The following SNX29 variants were observed in gnomAD, a reference collection of about 807,000 sequenced individuals.
SNX29 encodes the protein sorting nexin-29.
A neutral mutation model predicts 102.1 loss-of-function variants in SNX29; 78 were observed. That is an observed-to-expected ratio of 0.76 (90% confidence interval 0.64 to 0.92). SNX29 has a LOEUF of 0.92. SNX29 is among the 40% of genes least tolerant of loss of function. SNX29 has a pLI of 0.00. For missense variants in SNX29, 1,280 were observed against 1,061.7 expected (o/e 1.21, Z -2.86); for synonymous variants, 580 against 414.5 (o/e 1.40, Z -4.85).
At chr16:12,234,219 T>A (rs573531615) in intron 14 of SNX29, among the ~76,000 whole-genome samples, 1 of 152,124 alleles carries the variant, frequency 6.6e-6, no homozygotes, top group Non-Finnish European at 1.5e-5. Flanking sequence ...TTGTCTGTCT[T>A]TTTTTTATTG....
intron 11 of SNX29, among the ~76,000 whole-genome samples, chr16:12,094,587 G>A (rs1443284367): frequency 6.6e-6 from 1 of 152,132 alleles, no homozygotes; most frequent in Non-Finnish European, 1.5e-5. Flanking sequence ...GCAGGATGGT[G>A]GTTCTTAGCT....
At chr16:12,403,081 C>T (rs1218223797) in intron 17 of SNX29, among the ~76,000 whole-genome samples, 1 of 152,174 alleles carries the variant, frequency 6.6e-6, no homozygotes, top group East Asian at 1.9e-4. Context: ...GTCCTTGGGG[C>T]TTCCGGTTAT....
intron 14 of SNX29, among the ~76,000 whole-genome samples, chr16:12,261,527 C>T (rs577058129): frequency 3.7e-5 from 5 of 133,600 alleles, no homozygotes; most frequent in African/African-American, 1.4e-4. Context: ...CGGGTCTGTG[C>T]ACGTGTCCCC....
chr16:12,371,179 A>C (rs2082669492), intron 16 of SNX29, among the ~76,000 whole-genome samples: 1 of 152,232 alleles, frequency 6.6e-6, no homozygotes, highest in Non-Finnish European at 1.5e-5. Flanking sequence ...GTTGGGGATC[A>C]GCCAAGGCTT....
intron 13 of SNX29, among the ~76,000 whole-genome samples, chr16:12,185,793 A>G (rs1366177124): frequency 6.6e-6 from 1 of 152,204 alleles, no homozygotes. Context: ...AACAACTGCA[A>G]CTGTGCAGCA....
intron 13 of SNX29, among the ~76,000 whole-genome samples, chr16:12,193,214 C>G (rs2076687930): frequency 6.6e-6 from 1 of 152,166 alleles, no homozygotes; most frequent in Admixed American, 6.5e-5. Context: ...GATGAGTAAG[C>G]ATTCCATTAC....
At chr16:12,380,528 C>T (rs1245529271) in intron 16 of SNX29, among the ~76,000 whole-genome samples, 2 of 129,916 alleles carry the variant, frequency 1.5e-5, no homozygotes, top group Non-Finnish European at 3.3e-5. Flanking sequence ...CATCCATCCA[C>T]CTGTCCACCT....
chr16:12,335,381 A>G lies in SNX29; in HGVS notation c.1783-20782A>G, dbSNP rs146646479. On this transcript the variant is annotated intron_variant, in intron 15 of 20. Transcript: ENST00000566228. ...ATCAGTGATGTTTAGTGGTGACTAT[A>G]AGGCCAGGTGCAGTGGCTCACACCT... Among the ~76,000 whole-genome samples, 5 of 152,270 alleles carry G rather than the reference A, an allele frequency of 3.3e-5. No homozygotes were observed. In the East Asian group the frequency reaches 9.7e-4, roughly 30 times the overall value.
chr16:12,061,795 G>A (rs1392588847), intron 9 of SNX29, 149 bp downstream of exon 9: 6 of 653,680 alleles, frequency 9.2e-6, no homozygotes, highest in Admixed American at 2.7e-5. Flanking sequence ...AGCTCACTGA[G>A]ATGCAGAAGT....
At chr16:12,295,080 A>G (rs537028526) in intron 15 of SNX29, among the ~76,000 whole-genome samples, 2 of 152,238 alleles carry the variant, frequency 1.3e-5, no homozygotes, top group Non-Finnish European at 2.9e-5. Context: ...CAAGAACAGT[A>G]TGGGGGAAAC....
At chr16:12,028,207 C>T (rs2057245810) in intron 4 of SNX29, among the ~76,000 whole-genome samples, 2 of 152,152 alleles carry the variant, frequency 1.3e-5, no homozygotes, top group African/African-American at 4.8e-5. Context: ...CTGTCTTTGG[C>T]TGGTTCCCCT....
rs182166335 is a variant in SNX29 at position 12,322,490 on chromosome 16, A to G, written c.1783-33673A>G. ...GTTAAAAAGAATTGTGGGTTACTGCAATATACATTTGTTTGTTTGTAGTGT... is the reference window on the plus strand; with the variant it reads ...GTTAAAAAGAATTGTGGGTTACTGCGATATACATTTGTTTGTTTGTAGTGT... On this transcript the variant is annotated intron_variant, in intron 15 of 20. Transcript: ENST00000566228. 2.4e-3 allele frequency among the ~76,000 whole-genome samples: 372 copies of G among 152,344 alleles called. 1 individual carries two copies. Among genetic ancestry groups the G allele is most frequent in the Non-Finnish European group, 3.7e-3 (249 of 68,028 alleles).
intron 16 of SNX29, chr16:12,372,388 C>G (rs998073895): frequency 3.9e-5 from 6 of 152,224 alleles, no homozygotes; most frequent in Admixed American, 3.9e-4. Flanking sequence ...CTGTAATCCT[C>G]TTCCCCTCTG....
intron 18 of SNX29, among the ~76,000 whole-genome samples, chr16:12,463,769 G>C (rs1434734559): frequency 6.6e-6 from 1 of 151,868 alleles, no homozygotes; most frequent in Admixed American, 6.6e-5. Flanking sequence ...TATACATCGT[G>C]TAATGACTGC....
intron 20 of SNX29, among the ~76,000 whole-genome samples, chr16:12,540,995 C>G (rs73508563): frequency 0.011 from 1,623 of 152,276 alleles, 27 homozygotes; most frequent in African/African-American, 0.037. Context: ...AAATGGTGAG[C>G]TCACTGCGGG....
chr16:12,550,609 A>G (rs1275975678), intron 20 of SNX29, among the ~76,000 whole-genome samples: 1 of 152,008 alleles, frequency 6.6e-6, no homozygotes. Flanking sequence ...TTCTATGTGT[A>G]ATGTATACCT....
Position 12,560,091 on chromosome 16 carries a change from C to A in SNX29, c.2319-8415C>A, listed in dbSNP as rs149590248. On this transcript the variant is annotated intron_variant, in intron 20 of 20. Coordinates refer to ENST00000566228, the MANE Select transcript of SNX29 (RefSeq NM_032167.5). ...TAACTACTGTCCTAACAGTGGTTAT[C>A]CACAAAGGATGAGTTGACAAGCTAT... 9.9e-4 allele frequency among the ~76,000 whole-genome samples: 150 copies of A among 152,148 alleles called. 2 individuals are homozygous for A. The highest frequency in any genetic ancestry group is 2.0e-3 in the Admixed American group (31 of 15,266).
At chr16:12,480,386 C>T (rs2087851887) in intron 19 of SNX29, among the ~76,000 whole-genome samples, 1 of 152,178 alleles carries the variant, frequency 6.6e-6, no homozygotes, top group African/African-American at 2.4e-5. Context: ...CCCTCTGCTT[C>T]CATCATCATA....
At chr16:12,538,004 TTG>T (rs1178617537) in intron 20 of SNX29, among the ~76,000 whole-genome samples, 4,869 of 149,808 alleles carry the variant, frequency 0.033, 264 homozygotes, top group African/African-American at 0.11. Flanking sequence ...AAAAAAAAAA[TTG>T]TCTGCCATTT....
Sources: allele counts gnomAD v4.1 joint callset (sites outside exome capture counted in the v4.1 genomes callset), GRCh38; gene constraint gnomAD v4.1.1; transcripts MANE v1.5; gene names NCBI Gene and HGNC (gene_info 2026-07-23, HGNC 2026-07-21).